The following GPN2 variants were observed in gnomAD, a reference collection of about 807,000 sequenced individuals.
GPN2 encodes ATP-binding domain 1 family member B.
In GPN2, 27 loss-of-function variants were observed where a neutral mutation model predicts 30.1. That is an observed-to-expected ratio of 0.90 (90% CI 0.66 to 1.24). The LOEUF is 1.24. Among genes scored for constraint, GPN2 ranks in the 50% most tolerant of loss-of-function variants. The pLI, the probability that GPN2 is intolerant of heterozygous loss-of-function variation, is 0.00. For synonymous variants in GPN2, 212 were observed against 174.4 expected, an observed-to-expected ratio of 1.22 and a Z score of -1.70; for missense variants, 406 against 405.4, an observed-to-expected ratio of 1.00 and a Z score of -0.01.
Position 26,889,758 on chromosome 1 carries a change from G to A in GPN2, c.339C>T (p.Gly113=), listed in dbSNP as rs543741803. 4 of 1,613,662 alleles carry A rather than the reference G, an allele frequency of 2.5e-6. No homozygotes were observed. The highest frequency in any genetic ancestry group is 2.7e-5 in the African/African-American group (2 of 75,066). ...CGTGATGCGTGCAGAGCTCCACCTG[G>A]CCTGGGCAGTCGAAGAGGAAGTAGT... ...RGHYFLFDCP[G]QVELCTHHGA... is the part of the protein sequence containing the mutation. Residue 113 remains glycine, a synonymous_variant, in exon 1 of 5, where the codon GGC becomes GGT. Transcript: ENST00000374135.
Position 26,889,103 on chromosome 1 carries a change from T to A in GPN2, c.434A>T (p.Asp145Val), listed in dbSNP as rs367628628. ...DLRLTAVHLVDSHYCTDPAKF... is the reference protein window; with the variant it reads ...DLRLTAVHLVVSHYCTDPAKF... The stretch of plus-strand genomic sequence containing the variant: ...GGCAGGGTCTGTGCAGTAGTGAGAA[T>A]CCACGAGGTGGACGGCAGTCAGCTG... Residue 145 changes from aspartate (D) to valine (V), a missense_variant, in exon 2 of 5, where the codon GAT becomes GTT. Coordinates refer to ENST00000374135, the MANE Select transcript of GPN2 (RefSeq NM_018066.4). The A allele has an allele frequency of 3.7e-6, 6 of 1,613,762 alleles. No individual in the cohort carries two copies. Among genetic ancestry groups the A allele is most frequent in the Non-Finnish European group, 5.1e-6 (6 of 1,179,814 alleles).
At chr1:26,889,529 C>T (rs1288688484) in intron 1 of GPN2, among the ~76,000 whole-genome samples, 157 bp downstream of exon 1, 3 of 152,222 alleles carry the variant, frequency 2.0e-5, no homozygotes, top group Non-Finnish European at 4.4e-5. Flanking sequence ...CAACACCACA[C>T]AGCCAGTCAG....
At chr1:26,889,303 T>C (rs964776062) in intron 1 of GPN2, among the ~76,000 whole-genome samples, 178 bp from the exon 2 acceptor site, 1 of 152,140 alleles carries the variant, frequency 6.6e-6, no homozygotes, top group Non-Finnish European at 1.5e-5. Context: ...TTTTTTTTTC[T>C]TACAAGAGGT....
chr1:26,886,734 C>T (rs1226952748), intron 2 of GPN2, among the ~76,000 whole-genome samples: 1 of 151,926 alleles, frequency 6.6e-6, no homozygotes, highest in Non-Finnish European at 1.5e-5. Context: ...AGGAGAATGG[C>T]GTGAACCCAG....
chr1:26,876,536 GT>G lies in GPN2; in HGVS notation c.*3140del, dbSNP rs1227915629. On this transcript the variant is annotated 3_prime_UTR_variant, in exon 5 of 5. Coordinates refer to ENST00000374135, the MANE Select transcript of GPN2 (RefSeq NM_018066.4). The stretch of plus-strand genomic sequence containing the variant: ...CTCGGCCTTCTCTTTCATTTTCTAA[GT>G]TTTTTACTTTCCTATATTTATTAGG... 2 of 152,106 alleles carry G rather than the reference GT, an allele frequency of 1.3e-5. No individual in the cohort carries two copies. The highest frequency in any genetic ancestry group is 3.9e-4 in the East Asian group (2 of 5,186). The allele number at this position is 152,106 out of a possible 1,614,324, so 9.4% of individuals were successfully genotyped here. A position where few individuals can be genotyped will look rare whatever the true frequency, so the allele number is the denominator to read the frequency against.
At chr1:26,883,054 C>T (rs1022126434) in intron 4 of GPN2, among the ~76,000 whole-genome samples, 6 of 152,188 alleles carry the variant, frequency 3.9e-5, no homozygotes, top group Non-Finnish European at 8.8e-5. Context: ...ATCTTTCAAC[C>T]CTTCTCACCT....
At position 26,884,305 on chromosome 1, in the gene GPN2, G is replaced by C; in HGVS notation, c.730-15C>G. On this transcript the variant is annotated splice_polypyrimidine_tract_variant and intron_variant, in intron 3 of 4. Transcript: ENST00000374135. Reference sequence around the variant, plus strand: ...CTCTCCTTGTCCTGAGCAGGGAGGAGAGAAACAGTTCTGTGAGTGAAACAG... The same window carrying C: ...CTCTCCTTGTCCTGAGCAGGGAGGACAGAAACAGTTCTGTGAGTGAAACAG... The C allele has an allele frequency of 6.3e-7, 1 of 1,598,362 alleles. No homozygotes were observed. The highest frequency in any genetic ancestry group is 8.5e-7 in the Non-Finnish European group (1 of 1,175,696).
chr1:26,887,564 ATTT>A (rs879518582), intron 2 of GPN2, among the ~76,000 whole-genome samples: 1 of 142,914 alleles, frequency 7.0e-6, no homozygotes. Context: ...GAGAGTACTA[ATTT>A]TTTTTTTTTT....
At position 26,889,839 on chromosome 1, in the gene GPN2, C is replaced by T; in HGVS notation, c.258G>A (p.Glu86=). The part of the protein sequence containing the change: ...GPNGGLLYCM[E]YLEANLDWLR... ...GCCAGTCCAGGTTGGCTTCCAGGTACTCCATGCAGTAGAGCAGGCCGCCGT... is the reference window on the plus strand; with the variant it reads ...GCCAGTCCAGGTTGGCTTCCAGGTATTCCATGCAGTAGAGCAGGCCGCCGT... The change falls in exon 1 of 5, where the codon GAG becomes GAA. Residue 86 remains glutamate, a synonymous_variant. Transcript: ENST00000374135. The T allele has an allele frequency of 6.2e-7, 1 of 1,613,736 alleles. No individual in the cohort carries two copies. The highest frequency in any genetic ancestry group is 8.5e-7 in the Non-Finnish European group (1 of 1,180,000).
intron 4 of GPN2, among the ~76,000 whole-genome samples, chr1:26,883,080 C>T (rs1288238488): frequency 1.3e-5 from 2 of 152,216 alleles, no homozygotes; most frequent in Non-Finnish European, 2.9e-5. Context: ...GACTGTAAAA[C>T]TCTTTTGCCC....
At chr1:26,887,192 T>C (rs1280084608) in intron 2 of GPN2, among the ~76,000 whole-genome samples, 1 of 152,076 alleles carries the variant, frequency 6.6e-6, no homozygotes, top group African/African-American at 2.4e-5. Flanking sequence ...GTAAATCACT[T>C]TCCTTTTCTG....
At chr1:26,886,466 TGG>T (rs1282665672) in intron 2 of GPN2, 2 of 457,754 alleles carry the variant, frequency 4.4e-6, no homozygotes, top group South Asian at 3.1e-5. Flanking sequence ...GAAGCCGAGG[TGG>T]GTGATTACCT....
At position 26,889,893 on chromosome 1, in the gene GPN2, G is replaced by A. The variant is rs1203354088; in HGVS notation, c.204C>T (p.Asp68=). The A allele has an allele frequency of 1.2e-6, 2 of 1,610,992 alleles. No individual in the cohort carries two copies. Among genetic ancestry groups the A allele is most frequent in the Admixed American group, 1.7e-5 (1 of 59,876 alleles). Residue 68 remains aspartate, a synonymous_variant, in exon 1 of 5, where the codon GAC becomes GAT. Coordinates refer to ENST00000374135, the MANE Select transcript of GPN2 (RefSeq NM_018066.4). ...VDVGELVGLG[D]VMDALRLGPN... ...GCCCCAGGCGCAGCGCGTCCATCAC[G>A]TCGCCCAGCCCCACCAGCTCGCCCA...
Position 26,879,394 on chromosome 1 carries a change from C to A in GPN2, c.*283G>T, listed in dbSNP as rs1188578972. ...AGTCACAAAAAGTAGAAAATAAACT[C>A]TTGTATTGTAGCACATTTCATCACA... On this transcript the variant is annotated 3_prime_UTR_variant, in exon 5 of 5. Coordinates refer to ENST00000374135, the MANE Select transcript of GPN2 (RefSeq NM_018066.4). 5.5e-5 allele frequency: 23 copies of A among 416,360 alleles called. No individual in the cohort carries two copies. In the East Asian group the frequency reaches 8.7e-4, roughly 16 times the overall value. The allele number at this position is 416,360 out of a possible 1,614,324, so 25.8% of individuals were successfully genotyped here.
chr1:26,884,971 A>G (rs2081883276), intron 3 of GPN2, among the ~76,000 whole-genome samples: 2 of 151,966 alleles, frequency 1.3e-5, no homozygotes, highest in South Asian at 2.1e-4. Context: ...ACAGAGTGAG[A>G]CTCCGTCACA....
chr1:26,890,241 C>T lies in GPN2; in HGVS notation c.-145G>A, dbSNP rs557659895. 4.3e-6 allele frequency: 3 copies of T among 696,124 alleles called. No homozygotes were observed. The highest frequency in any genetic ancestry group is 6.2e-5 in the Admixed American group (2 of 32,124). The allele number at this position is 696,124 out of a possible 1,614,324, so 43.1% of individuals were successfully genotyped here. ...TCGCCTCAGGCGGAACAGCTGAGACCGTGTCGCGCAAAAGGAGATAACAGG... is the reference window on the plus strand; with the variant it reads ...TCGCCTCAGGCGGAACAGCTGAGACTGTGTCGCGCAAAAGGAGATAACAGG... On this transcript the variant is annotated 5_prime_UTR_variant, in exon 1 of 5. Coordinates refer to ENST00000374135, the MANE Select transcript of GPN2 (RefSeq NM_018066.4).
rs571935186 is a variant in GPN2, at chr1:26,888,866, C to T, written c.568+103G>A. The T allele has an allele frequency of 3.4e-5, 39 of 1,149,726 alleles. No homozygotes were observed. In the East Asian group the frequency reaches 8.9e-4, roughly 26 times the overall value. 71.2% of individuals were successfully genotyped at this position (1,149,726 alleles called of 1,614,324 possible). On this transcript the variant is annotated intron_variant, in intron 2 of 4. Coordinates refer to ENST00000374135, the MANE Select transcript of GPN2 (RefSeq NM_018066.4). ...TAGAACCTGCCTGTGGCTACTATCA[C>T]CAGACCACGCAAGGCACCAGAGGCA...
In GPN2 at chr1:26,888,952, G is replaced by A; in HGVS notation, c.568+17C>T. ...CCAGCTGCTGCCCTGCTCTTCGCCT[G>A]GAACAGAAGCTCTTACCCAGCTTCC... On this transcript the variant is annotated intron_variant, in intron 2 of 4. Coordinates refer to ENST00000374135, the MANE Select transcript of GPN2 (RefSeq NM_018066.4). 2 of 1,613,498 alleles carry A rather than the reference G, an allele frequency of 1.2e-6. No homozygotes were observed. The highest frequency in any genetic ancestry group is 1.1e-5 in the South Asian group (1 of 91,066).
intron 4 of GPN2, among the ~76,000 whole-genome samples, chr1:26,883,895 C>G (rs569031342): frequency 6.6e-6 from 1 of 152,042 alleles, no homozygotes; most frequent in Admixed American, 6.6e-5. Context: ...AAAAAATTAG[C>G]TGGGCGTGGT....
Sources: allele counts gnomAD v4.1 joint callset (sites outside exome capture counted in the v4.1 genomes callset), GRCh38; gene constraint gnomAD v4.1.1; transcripts MANE v1.5; gene names NCBI Gene and HGNC (gene_info 2026-07-23, HGNC 2026-07-21).